DENND2B: variants seen among roughly 807,000 people sequenced by gnomAD.
DENND2B encodes DENN domain containing 2B.
A neutral mutation model predicts 116.0 loss-of-function variants in DENND2B; 32 were observed. That is an observed-to-expected ratio of 0.28 (90% confidence interval 0.21 to 0.37). The LOEUF (loss-of-function observed/expected upper bound fraction) is 0.37, where lower values mean the gene tolerates loss of function less well. Among genes scored for constraint, DENND2B ranks in the 10% least tolerant of loss-of-function variants. The pLI is 1.00. For synonymous variants in DENND2B, 588 were observed against 583.9 expected (o/e 1.01, Z -0.10); for missense variants, 1,276 against 1,477.7 (o/e 0.86, Z 2.24).
chr11:8,734,319 C>T (rs1003329716), intron 2 of DENND2B, among the ~76,000 whole-genome samples: 2 of 151,610 alleles, frequency 1.3e-5, no homozygotes, highest in Non-Finnish European at 2.9e-5. Context: ...ATCATTAGTA[C>T]TGTTTTTTTT....
At chr11:8,796,280 G>A (rs1469027075) in intron 1 of DENND2B, among the ~76,000 whole-genome samples, 1 of 152,152 alleles carries the variant, frequency 6.6e-6, no homozygotes, top group Non-Finnish European at 1.5e-5. Context: ...AGTGGCTCAC[G>A]CCTGTAATCC....
At chr11:8,818,833 G>A (rs905077217) in intron 4 of DENND2B, among the ~76,000 whole-genome samples, 1 of 152,058 alleles carries the variant, frequency 6.6e-6, no homozygotes, top group Non-Finnish European at 1.5e-5. Context: ...ACTAAAAAGG[G>A]TATTAATAAT....
At chr11:8,785,939 A>G (rs986362685) in intron 1 of DENND2B, among the ~76,000 whole-genome samples, 2 of 152,224 alleles carry the variant, frequency 1.3e-5, no homozygotes, top group Admixed American at 1.3e-4. Context: ...CAATCCTTTT[A>G]CCTGTTTTCC....
At chr11:8,708,348 C>T in intron 11 of DENND2B, 1 of 985,352 alleles carries the variant, frequency 1.0e-6, no homozygotes, top group Non-Finnish European at 1.2e-6. Context: ...AGAGAGCAAA[C>T]TGAAAACAAG....
chr11:8,715,445 A>G lies in DENND2B; in HGVS notation c.1845+158T>C, dbSNP rs769794119. On this transcript the variant is annotated intron_variant, in intron 6 of 19. Coordinates refer to ENST00000313726, the MANE Select transcript of DENND2B (RefSeq NM_213618.2). ...TTGATAAGAAAGGGGAATTAATCAG[A>G]TGAAAAAGAGGCCAGTGCACGGACC... The G allele has an allele frequency of 1.2e-5, 8 of 666,620 alleles. No individual in the cohort carries two copies. In the East Asian group the frequency reaches 2.2e-4, roughly 18 times the overall value. 41.3% of individuals were successfully genotyped at this position (666,620 alleles called of 1,614,324 possible).
At chr11:8,889,682 G>A (rs1273882658) in intron 1 of DENND2B, among the ~76,000 whole-genome samples, 2 of 152,348 alleles carry the variant, frequency 1.3e-5, no homozygotes, top group African/African-American at 4.8e-5. Context: ...CAAGGTGGCA[G>A]CGAGGCTCAG....
chr11:8,862,372 C>T (rs1414801796), intron 2 of DENND2B, among the ~76,000 whole-genome samples: 10 of 135,628 alleles, frequency 7.4e-5, no homozygotes, highest in Non-Finnish European at 1.2e-4. Context: ...CTCTGTCATC[C>T]AGGCTGGAGG....
intron 2 of DENND2B, among the ~76,000 whole-genome samples, chr11:8,748,163 C>T (rs1321197071): frequency 6.6e-6 from 1 of 152,132 alleles, no homozygotes; most frequent in African/African-American, 2.4e-5. Flanking sequence ...AAGGCCCCAA[C>T]ACCCTCCCCT....
At chr11:8,822,857 C>T (rs890790700) in intron 4 of DENND2B, among the ~76,000 whole-genome samples, 1 of 152,086 alleles carries the variant, frequency 6.6e-6, no homozygotes, top group Non-Finnish European at 1.5e-5. Context: ...TTGTACATAG[C>T]AAGTGCTCAA....
At chr11:8,834,198 T>C (rs2062327748) in intron 4 of DENND2B, among the ~76,000 whole-genome samples, 3 of 152,216 alleles carry the variant, frequency 2.0e-5, no homozygotes, top group South Asian at 2.1e-4. Context: ...CCTAGTACAG[T>C]TTGGAAAGTC....
intron 4 of DENND2B, among the ~76,000 whole-genome samples, chr11:8,827,142 A>G (rs2062009860): frequency 1.3e-5 from 2 of 152,348 alleles, no homozygotes; most frequent in Middle Eastern, 3.4e-3. Context: ...GAAAGAAAGA[A>G]TTCAGAAAGC....
At chr11:8,787,992 G>A (rs765392561) in intron 1 of DENND2B, among the ~76,000 whole-genome samples, 4 of 152,144 alleles carry the variant, frequency 2.6e-5, no homozygotes, top group Non-Finnish European at 5.9e-5. Flanking sequence ...TTTGGAATAT[G>A]ATGTGCTCAG....
intron 2 of DENND2B, among the ~76,000 whole-genome samples, chr11:8,869,674 A>G (rs893892929): frequency 2.6e-5 from 4 of 152,016 alleles, no homozygotes; most frequent in Non-Finnish European, 5.9e-5. Flanking sequence ...AAAAGAAAAA[A>G]ATTTTTTAAA....
At chr11:8,727,991 ACACACACACACACACACG>A (rs770146548) in intron 3 of DENND2B, among the ~76,000 whole-genome samples, 5 of 110,984 alleles carry the variant, frequency 4.5e-5, no homozygotes, top group South Asian at 2.9e-4. Flanking sequence ...ACACACACAC[ACACACACACACACACACG>A]CAAATTTTTT....
chr11:8,800,236 G>A (rs1242467919), intron 1 of DENND2B, among the ~76,000 whole-genome samples: 5 of 152,154 alleles, frequency 3.3e-5, no homozygotes, highest in Admixed American at 3.3e-4. Flanking sequence ...TTATAAGTGT[G>A]AGCCATTGCA....
At chr11:8,897,762 G>A (rs12049908) in intron 1 of DENND2B, among the ~76,000 whole-genome samples, 29,901 of 151,974 alleles carry the variant, frequency 0.2, 3,062 homozygotes, top group East Asian at 0.31. Context: ...TAAAATTGGG[G>A]CAGACTTGAC....
At chr11:8,814,025 GGCC>G (rs1447216882), upstream of DENND2B, among the ~76,000 whole-genome samples, 1 of 152,130 alleles carries the variant, frequency 6.6e-6, no homozygotes, top group African/African-American at 2.4e-5. Context: ...TCTACTGAGA[GGCC>G]TGCAAGCATA....
intron 13 of DENND2B, chr11:8,703,390 C>G (rs1198735630): frequency 6.6e-6 from 1 of 152,356 alleles, no homozygotes; most frequent in Non-Finnish European, 1.5e-5. Context: ...GCCTGGCCCT[C>G]TTTCCTCCAA....
intron 2 of DENND2B, among the ~76,000 whole-genome samples, chr11:8,876,784 A>G (rs1252029622): frequency 1.3e-5 from 2 of 151,884 alleles, no homozygotes; most frequent in African/African-American, 4.8e-5. Context: ...AAGCTAAGAC[A>G]GGGAGAATTG....
Sources: allele counts gnomAD v4.1 joint callset (sites outside exome capture counted in the v4.1 genomes callset), GRCh38; gene constraint gnomAD v4.1.1; transcripts MANE v1.5; gene names NCBI Gene and HGNC (gene_info 2026-07-23, HGNC 2026-07-21).